Variants in RBFOX1 observed in about 807,000 individuals in gnomAD.
RBFOX1 encodes the protein RNA binding protein fox-1 homolog 1.
RBFOX1 carries 8 observed loss-of-function variants against 57.7 expected under a neutral mutation model. The ratio of observed to expected loss-of-function variants is 0.14; its 90% CI spans 0.08 to 0.25. RBFOX1 has a LOEUF of 0.25. Ranked by LOEUF, RBFOX1 falls within the 10% of genes least tolerant of loss-of-function variation. RBFOX1 has a pLI of 1.00. For synonymous variants in RBFOX1, 326 were observed against 222.4 expected (o/e 1.47, Z -4.15); for missense variants, 611 against 548.5 (o/e 1.11, Z -1.14).
At chr16:5,667,154 G>T (rs2049873721) in intron 3 of RBFOX1, among the ~76,000 whole-genome samples, 1 of 151,822 alleles carries the variant, frequency 6.6e-6, no homozygotes, top group African/African-American at 2.4e-5. Flanking sequence ...TTTTGTTGTT[G>T]CTTACTTAGT....
At chr16:5,705,786 A>C (rs1266933240) in intron 3 of RBFOX1, among the ~76,000 whole-genome samples, 7 of 152,206 alleles carry the variant, frequency 4.6e-5, no homozygotes, top group African/African-American at 1.7e-4. Flanking sequence ...GGGATACCGC[A>C]TCTGTGTGCG....
chr16:6,849,028 G>A (rs575725996), intron 3 of RBFOX1, among the ~76,000 whole-genome samples: 1 of 152,150 alleles, frequency 6.6e-6, no homozygotes, highest in Non-Finnish European at 1.5e-5. Flanking sequence ...CATTGGCCAG[G>A]CTTACGTGTC....
At chr16:6,960,189 A>G (rs1336122027) in intron 3 of RBFOX1, among the ~76,000 whole-genome samples, 1 of 152,184 alleles carries the variant, frequency 6.6e-6, no homozygotes, top group African/African-American at 2.4e-5. Flanking sequence ...ATGATTTAGC[A>G]GGAGACAAGA....
chr16:6,072,674 T>C (rs1399950344), intron 1 of RBFOX1, among the ~76,000 whole-genome samples: 1 of 151,376 alleles, frequency 6.6e-6, no homozygotes, highest in Non-Finnish European at 1.5e-5. Flanking sequence ...AGGTATGGGG[T>C]GGTATTTCAT....
intron 4 of RBFOX1, among the ~76,000 whole-genome samples, chr16:7,305,804 A>G (rs2096168294): frequency 6.6e-6 from 1 of 152,156 alleles, no homozygotes; most frequent in Non-Finnish European, 1.5e-5. Context: ...TGTTCTTTTA[A>G]ATATTATTTT....
intron 4 of RBFOX1, among the ~76,000 whole-genome samples, chr16:7,152,026 C>T (rs2076207406): frequency 6.6e-6 from 1 of 152,120 alleles, no homozygotes; most frequent in East Asian, 1.9e-4. Context: ...TAGGCCATCG[C>T]CTGAGGTTTA....
chr16:6,295,280 C>T (rs2077974983), intron 1 of RBFOX1, among the ~76,000 whole-genome samples: 1 of 152,108 alleles, frequency 6.6e-6, no homozygotes, highest in Non-Finnish European at 1.5e-5. Context: ...TGCACCACCA[C>T]ACCCAGCAAA....
At chr16:5,720,392 T>G (rs2051884014) in intron 3 of RBFOX1, among the ~76,000 whole-genome samples, 1 of 152,228 alleles carries the variant, frequency 6.6e-6, no homozygotes, top group South Asian at 2.1e-4. Flanking sequence ...TTGCTATTAT[T>G]AGCTAACTTT....
chr16:6,635,201 A>G (rs2098422090), intron 2 of RBFOX1, among the ~76,000 whole-genome samples: 1 of 149,288 alleles, frequency 6.7e-6, no homozygotes, highest in South Asian at 2.1e-4. Flanking sequence ...CATAATATGT[A>G]CATATTTTTA....
rs565498223 is a variant in RBFOX1 at position 6,783,358 on chromosome 16, T to A, written c.-16+128708T>A. On this transcript the variant is annotated intron_variant, in intron 3 of 15. Transcript: ENST00000550418. ...TGTCTTCCTTTCTATATAAGCAATT[T>A]TCTGGTAATGTTTTAATTTCTGTCT... is the stretch of plus-strand genomic sequence containing the variant. Among the ~76,000 whole-genome samples, 3 of 151,462 alleles carry A rather than the reference T, an allele frequency of 2.0e-5. No individual in the cohort carries two copies. In the East Asian group the frequency reaches 5.8e-4, roughly 29 times the overall value.
At chr16:6,413,385 A>T (rs1349067763) in intron 2 of RBFOX1, among the ~76,000 whole-genome samples, 1 of 151,672 alleles carries the variant, frequency 6.6e-6, no homozygotes, top group Non-Finnish European at 1.5e-5. Flanking sequence ...GCTGGTCTTG[A>T]ACCCCTGGGC....
intron 2 of RBFOX1, among the ~76,000 whole-genome samples, chr16:5,577,206 C>G (rs970626595): frequency 2.0e-5 from 3 of 152,218 alleles, no homozygotes; most frequent in African/African-American, 7.2e-5. Context: ...CTACAGAAGA[C>G]AGCAGTGTAA....
intron 4 of RBFOX1, among the ~76,000 whole-genome samples, chr16:7,296,361 T>C (rs1269525235): frequency 1.3e-5 from 2 of 151,880 alleles, no homozygotes; most frequent in African/African-American, 4.8e-5. Context: ...TATGTATGAA[T>C]GTACTACCTT....
chr16:6,201,118 T>C (rs2097212430), intron 1 of RBFOX1, among the ~76,000 whole-genome samples: 1 of 152,164 alleles, frequency 6.6e-6, no homozygotes, highest in African/African-American at 2.4e-5. Flanking sequence ...CCACCCATGT[T>C]GTTGCAAATG....
intron 1 of RBFOX1, among the ~76,000 whole-genome samples, chr16:6,212,550 A>G (rs939646490): frequency 2.6e-5 from 4 of 152,108 alleles, no homozygotes; most frequent in African/African-American, 7.2e-5. Context: ...TACTAAAAAT[A>G]CAAAAAATTA....
intron 4 of RBFOX1, among the ~76,000 whole-genome samples, chr16:5,977,775 C>T (rs369477357): frequency 5.3e-5 from 8 of 152,088 alleles, no homozygotes; most frequent in African/African-American, 9.7e-5. Context: ...AGCCCACTGT[C>T]CCGATCTGTA....
At chr16:6,465,044 T>G (rs569018182) in intron 2 of RBFOX1, among the ~76,000 whole-genome samples, 12 of 152,354 alleles carry the variant, frequency 7.9e-5, no homozygotes, top group African/African-American at 2.6e-4. Context: ...CTGATTATCG[T>G]GAATTGTCCA....
chr16:6,761,655 C>T (rs750284194), intron 3 of RBFOX1, among the ~76,000 whole-genome samples: 4 of 151,492 alleles, frequency 2.6e-5, no homozygotes, highest in Non-Finnish European at 5.9e-5. Context: ...TACAGGTGCT[C>T]GCCACCATGC....
chr16:7,359,321 T>C (rs561349814), intron 4 of RBFOX1, among the ~76,000 whole-genome samples: 17 of 152,268 alleles, frequency 1.1e-4, no homozygotes, highest in Non-Finnish European at 1.8e-4. Context: ...ATATGTAAAA[T>C]GTTTATCACA....
Sources: allele counts gnomAD v4.1 joint callset (sites outside exome capture counted in the v4.1 genomes callset), GRCh38; gene constraint gnomAD v4.1.1; transcripts MANE v1.5; gene names NCBI Gene and HGNC (gene_info 2026-07-23, HGNC 2026-07-21).